Variants in CCDC102B observed in about 807,000 individuals in gnomAD.
CCDC102B encodes coiled-coil domain containing 102B, also known as coiled-coil domain-containing protein 102B.
CCDC102B carries 75 observed loss-of-function variants against 57.4 expected under a neutral mutation model. The observed-to-expected ratio is 1.31, with a 90% CI of 1.08 to 1.58. The LOEUF (loss-of-function observed/expected upper bound fraction) is 1.58. Among genes scored for constraint, CCDC102B ranks in the 40% most tolerant of loss-of-function variants. CCDC102B has a pLI of 0.00. For synonymous variants in CCDC102B, 206 were observed against 201.9 expected, an observed-to-expected ratio of 1.02 and a Z score of -0.17; for missense variants, 636 against 582.6, an observed-to-expected ratio of 1.09 and a Z score of -0.94.
chr18:68,947,307 T>C (rs959166799), intron 6 of CCDC102B, among the ~76,000 whole-genome samples: 6 of 152,042 alleles, frequency 3.9e-5, no homozygotes, highest in Admixed American at 2.0e-4. Context: ...CTGAAGTAAA[T>C]GAAAATACTT....
In CCDC102B at chr18:68,837,482, A is replaced by G. The variant is rs557842203; in HGVS notation, c.606+113A>G. ...ATTATACTAGCCTGCCAGGGCTACC[A>G]TAACAAAGTACCATAATCACAGTGG... On this transcript the variant is annotated intron_variant, in intron 2 of 7. Coordinates refer to ENST00000360242, the MANE Select transcript of CCDC102B (RefSeq NM_024781.3). 3.2e-6 allele frequency: 3 copies of G among 934,290 alleles called. No individual in the cohort carries two copies. In the African/African-American group the frequency reaches 4.9e-5, roughly 15 times the overall value. 57.9% of individuals were successfully genotyped at this position (934,290 alleles called of 1,614,324 possible).
chr18:68,738,611 G>A (rs972424732), intron 2 of CCDC102B, among the ~76,000 whole-genome samples: 25 of 152,168 alleles, frequency 1.6e-4, no homozygotes, highest in African/African-American at 5.5e-4. Context: ...TCTCTGCCAC[G>A]ATGGCTGCTT....
intron 5 of CCDC102B, among the ~76,000 whole-genome samples, chr18:68,885,413 A>G (rs1015858907): frequency 6.6e-6 from 1 of 152,196 alleles, no homozygotes; most frequent in Middle Eastern, 3.4e-3. Context: ...TAAGTAGCAT[A>G]ATAATACCAA....
At chr18:69,048,059 A>C (rs935461520) in intron 7 of CCDC102B, among the ~76,000 whole-genome samples, 1 of 152,178 alleles carries the variant, frequency 6.6e-6, no homozygotes, top group Non-Finnish European at 1.5e-5. Flanking sequence ...GTCATAGCCC[A>C]CATTGATATT....
chr18:68,784,343 A>G (rs1418911650), intron 2 of CCDC102B, among the ~76,000 whole-genome samples: 1 of 150,884 alleles, frequency 6.6e-6, no homozygotes, highest in Non-Finnish European at 1.5e-5. Flanking sequence ...TTTTTAAACA[A>G]CCAGATCTCA....
chr18:69,020,254 TTAAAA>T (rs1238585323), intron 7 of CCDC102B, among the ~76,000 whole-genome samples: 1 of 152,124 alleles, frequency 6.6e-6, no homozygotes. Context: ...TTTATAATAA[TTAAAA>T]TAAAAGTTCT....
At chr18:68,816,282 C>T (rs553299206) in intron 1 of CCDC102B, among the ~76,000 whole-genome samples, 1 of 152,138 alleles carries the variant, frequency 6.6e-6, no homozygotes, top group South Asian at 2.1e-4. Context: ...TACATTGTGC[C>T]TGGGGTATCT....
intron 4 of CCDC102B, among the ~76,000 whole-genome samples, chr18:68,867,565 C>G (rs774648402): frequency 6.6e-6 from 1 of 152,106 alleles, no homozygotes; most frequent in Non-Finnish European, 1.5e-5. Flanking sequence ...ATGCCTTTAA[C>G]ACCTACACAG....
At chr18:68,850,974 G>T (rs1425436684) in intron 4 of CCDC102B, among the ~76,000 whole-genome samples, 15 of 151,920 alleles carry the variant, frequency 9.9e-5, no homozygotes, top group Non-Finnish European at 2.2e-4. Flanking sequence ...TATTTTAAAA[G>T]ACTTTATCAA....
Position 68,918,622 on chromosome 18 carries a change from A to G in CCDC102B, c.1263+21194A>G, listed in dbSNP as rs2041162192. On this transcript the variant is annotated intron_variant, in intron 6 of 7. Transcript: ENST00000360242. ...TATTACTTGGAATTAAATCAGAAAG[A>G]GAGAGAGGGAACATGTCAAGAAACC... 2.0e-5 allele frequency among the ~76,000 whole-genome samples: 3 copies of G among 152,200 alleles called. No individual in the cohort carries two copies. The South Asian group carries it at 6.2e-4, about 31-fold the overall frequency.
At position 68,837,114 on chromosome 18, in the gene CCDC102B, G is replaced by A. The variant is rs637051; in HGVS notation, c.351G>A (p.Arg117=). 0.38 allele frequency: 608,995 copies of A among 1,613,818 alleles called. 122,500 individuals are homozygous for A. The highest frequency in any genetic ancestry group is 0.42 in the Non-Finnish European group (498,782 of 1,179,922). The change falls in exon 2 of 8, where the codon AGG becomes AGA. Residue 117 remains arginine (R), a synonymous_variant. Coordinates refer to ENST00000360242, the MANE Select transcript of CCDC102B (RefSeq NM_024781.3). ...SKVRAERNSA[R]EEGRQLRIKL... Reference sequence around the variant, plus strand: ...TTCGAGCTGAAAGGAACAGTGCCAGGGAGGAAGGAAGACAACTCAGAATAA... The same window carrying A: ...TTCGAGCTGAAAGGAACAGTGCCAGAGAGGAAGGAAGACAACTCAGAATAA...
At chr18:68,846,523 G>A (rs1338077270) in intron 4 of CCDC102B, 102 bp downstream of exon 4, 2 of 643,900 alleles carry the variant, frequency 3.1e-6, no homozygotes, top group African/African-American at 1.9e-5. Flanking sequence ...AAGAGGAAGG[G>A]AGGTTAAAAA....
chr18:68,897,245 C>T lies in CCDC102B; in HGVS notation c.1080C>T (p.Thr360=). Residue 360 remains threonine (T), a synonymous_variant, in exon 6 of 8, where the codon ACC becomes ACT. Transcript: ENST00000360242. The part of the protein sequence containing the change: ...AELERLQAEN[T]SEWDKREILE... ...TAGAGAGATTGCAAGCTGAAAATAC[C>T]TCGGAGTGGGACAAGAGGGAAATAC... The T allele has an allele frequency of 6.2e-7, 1 of 1,612,420 alleles. No individual in the cohort carries two copies. Among genetic ancestry groups the T allele is most frequent in the Non-Finnish European group, 8.5e-7 (1 of 1,179,030 alleles).
At chr18:68,827,569 A>G (rs1188519136) in intron 1 of CCDC102B, among the ~76,000 whole-genome samples, 1 of 152,074 alleles carries the variant, frequency 6.6e-6, no homozygotes, top group African/African-American at 2.4e-5. Context: ...CAAGAAAGCA[A>G]AAGAAGAAAT....
chr18:68,787,958 G>A (rs2035274150), intron 2 of CCDC102B, among the ~76,000 whole-genome samples: 3 of 150,618 alleles, frequency 2.0e-5, no homozygotes, highest in Admixed American at 2.0e-4. Context: ...TTTCTCTTGT[G>A]GGCATTTAGT....
At chr18:69,029,291 C>T (rs12607958) in intron 7 of CCDC102B, among the ~76,000 whole-genome samples, 125,426 of 152,142 alleles carry the variant, frequency 0.82, 53,895 homozygotes, top group Non-Finnish European at 0.96. Context: ...CAGAACTTGT[C>T]CTCTGTTAGC....
chr18:68,874,351 G>T (rs17079823), intron 4 of CCDC102B, among the ~76,000 whole-genome samples: 18,862 of 151,828 alleles, frequency 0.12, 1,419 homozygotes, highest in South Asian at 0.22. Context: ...AAAGATAAGG[G>T]TTAATTGGTT....
chr18:68,793,862 A>G (rs571237961), upstream of CCDC102B, among the ~76,000 whole-genome samples: 8 of 152,294 alleles, frequency 5.3e-5, no homozygotes, highest in South Asian at 2.1e-4. Context: ...AACTTTTTCT[A>G]TTGGAATCAG....
At chr18:69,037,651 T>A (rs2052330561) in intron 7 of CCDC102B, among the ~76,000 whole-genome samples, 1 of 151,850 alleles carries the variant, frequency 6.6e-6, no homozygotes, top group Admixed American at 6.6e-5. Flanking sequence ...AGCAAAGGCA[T>A]GAGGGAAGAG....
Sources: gnomAD v4.1 joint callset for allele counts (sites outside exome capture counted in the v4.1 genomes callset) on GRCh38, gnomAD v4.1.1 for gene constraint, MANE v1.5 for transcripts, NCBI Gene and HGNC (gene_info 2026-07-23, HGNC 2026-07-21) for gene names.